The following MECOM variants were observed in gnomAD, a reference collection of about 807,000 sequenced individuals.
MECOM encodes MDS1 and EVI1 complex locus.
Under a neutral mutation model 116.3 loss-of-function variants are expected in MECOM, and 13 were observed. The ratio of observed to expected loss-of-function variants is 0.11; its 90% CI spans 0.07 to 0.18. The LOEUF is 0.18. MECOM is among the 10% of genes least tolerant of loss of function. The pLI is 1.00. For synonymous variants in MECOM, 528 were observed against 535.2 expected, an observed-to-expected ratio of 0.99 and a Z score of 0.19; for missense variants, 1,299 against 1,509.0, an observed-to-expected ratio of 0.86 and a Z score of 2.31.
At chr3:169,434,364 GC>G (rs1742272868) in intron 1 of MECOM, among the ~76,000 whole-genome samples, 1 of 151,972 alleles carries the variant, frequency 6.6e-6, no homozygotes. Context: ...AACAAGTTGA[GC>G]TTTTTTCCTC....
At chr3:169,639,648 T>C (rs931546675) in intron 1 of MECOM, among the ~76,000 whole-genome samples, 8 of 152,326 alleles carry the variant, frequency 5.3e-5, no homozygotes, top group African/African-American at 1.9e-4. Context: ...TCCAAGTATA[T>C]ACTTCATTAT....
At chr3:169,650,338 T>G (rs1362317900) in intron 1 of MECOM, among the ~76,000 whole-genome samples, 1 of 152,134 alleles carries the variant, frequency 6.6e-6, no homozygotes, top group Non-Finnish European at 1.5e-5. Flanking sequence ...TCAGTTGGCT[T>G]TAGGTACATG....
At position 169,143,731 on chromosome 3, in the gene MECOM, C is replaced by T; in HGVS notation, c.477G>A (p.Gln159=). 6.2e-7 allele frequency: 1 copy of T among 1,610,624 alleles called. No individual in the cohort carries two copies. Among genetic ancestry groups the T allele is most frequent in the Non-Finnish European group, 8.5e-7 (1 of 1,178,388 alleles). Residue 159 remains glutamine (Q), a synonymous_variant, in exon 3 of 17, where the codon CAG becomes CAA. Coordinates refer to ENST00000651503, the MANE Select transcript of MECOM (RefSeq NM_004991.4). ...KYIRFAGCYD[Q]HNLVACQIND... ...TTATCTGGCATGCAACAAGGTTGTG[C>T]TGATCATAACAGCCAGCGAATCTAA... is the stretch of plus-strand genomic sequence containing the variant.
At chr3:169,541,158 G>T (rs1760015604) in intron 1 of MECOM, among the ~76,000 whole-genome samples, 1 of 152,196 alleles carries the variant, frequency 6.6e-6, no homozygotes, top group Non-Finnish European at 1.5e-5. Context: ...TTTGGGGTGA[G>T]ACCTGAGAAT....
intron 1 of MECOM, among the ~76,000 whole-genome samples, chr3:169,486,296 A>G (rs779962284): frequency 1.3e-5 from 2 of 151,926 alleles, no homozygotes; most frequent in Non-Finnish European, 2.9e-5. Context: ...GCTAATAATG[A>G]AGCAGCACAT....
rs375673157 is a variant in MECOM, at chr3:169,143,694, A to T, written c.510+4T>A. ...GGAAAGACAAGAAAATCTTTACAACATACCTGATCATTTATCTGGCATGCA... is the reference window on the plus strand; with the variant it reads ...GGAAAGACAAGAAAATCTTTACAACTTACCTGATCATTTATCTGGCATGCA... On this transcript the variant is annotated splice_donor_region_variant and intron_variant, in intron 3 of 16. Transcript: ENST00000651503. 6.3e-7 allele frequency: 1 copy of T among 1,591,086 alleles called. No homozygotes were observed. Among genetic ancestry groups the T allele is most frequent in the Non-Finnish European group, 8.6e-7 (1 of 1,168,508 alleles).
intron 2 of MECOM, among the ~76,000 whole-genome samples, chr3:169,353,439 G>C (rs1204664794): frequency 6.6e-6 from 1 of 151,798 alleles, no homozygotes; most frequent in African/African-American, 2.4e-5. Flanking sequence ...CTATCTTGGA[G>C]CCCCACATAA....
At position 169,229,106 on chromosome 3, in the gene MECOM, A is replaced by C. The variant is rs938584183; in HGVS notation, c.376-85274T>G. 2.0e-4 allele frequency among the ~76,000 whole-genome samples: 30 copies of C among 152,316 alleles called. No individual in the cohort carries two copies. In the South Asian group the frequency reaches 2.1e-3, roughly 11 times the overall value. ...AAACACTGGTTCTGGCTTTCTAGTC[A>C]ATGGTCCGTTTACTTACAGTAAAAT... On this transcript the variant is annotated intron_variant, in intron 2 of 16. Transcript: ENST00000651503.
chr3:169,615,064 C>G (rs1030846104), intron 1 of MECOM: 3 of 152,184 alleles, frequency 2.0e-5, no homozygotes, highest in African/African-American at 7.2e-5. Flanking sequence ...GTTTCTAGCC[C>G]ATAGTAAGCA....
chr3:169,445,223 C>T (rs1466736835), intron 1 of MECOM, among the ~76,000 whole-genome samples: 1 of 152,152 alleles, frequency 6.6e-6, no homozygotes, highest in Non-Finnish European at 1.5e-5. Flanking sequence ...CAGAGACCTT[C>T]ATGGCAGCCC....
intron 10 of MECOM, among the ~76,000 whole-genome samples, chr3:169,107,457 GCCAGAACCAATTTCTGCC>G (rs1725808322): frequency 1.3e-5 from 2 of 152,040 alleles, no homozygotes; most frequent in Non-Finnish European, 1.5e-5. Context: ...TCTTCAAATA[GCCAGAACCAATTTCTGCC>G]CTAGGATATA....
intron 2 of MECOM, among the ~76,000 whole-genome samples, chr3:169,325,625 G>A (rs1291868987): frequency 6.6e-6 from 1 of 152,186 alleles, no homozygotes; most frequent in Non-Finnish European, 1.5e-5. Flanking sequence ...TAAGAACACT[G>A]AATGCACTGT....
chr3:169,472,518 G>A (rs199766021), intron 1 of MECOM, among the ~76,000 whole-genome samples: 6,471 of 69,310 alleles, frequency 0.093, 597 homozygotes, highest in African/African-American at 0.18. Context: ...GAAAGGAAAG[G>A]AAAGAAAAGA....
chr3:169,147,238 T>G (rs752159373), intron 2 of MECOM: 2 of 985,520 alleles, frequency 2.0e-6, no homozygotes, highest in South Asian at 4.7e-5. Context: ...GGAGGAGAGT[T>G]TGAAAAGGTG....
chr3:169,512,517 C>T (rs1433046210), intron 1 of MECOM, among the ~76,000 whole-genome samples: 1 of 152,166 alleles, frequency 6.6e-6, no homozygotes, highest in South Asian at 2.1e-4. Context: ...GAAGAAACAC[C>T]GTTCTCCTCA....
In MECOM at chr3:169,216,576, G is replaced by GT. The variant is rs1346702843; in HGVS notation, c.376-72745dup. 3.7e-4 allele frequency among the ~76,000 whole-genome samples: 41 copies of GT among 109,858 alleles called. 1 individual carries two copies. Among genetic ancestry groups the GT allele is most frequent in the South Asian group, 3.4e-3 (13 of 3,824 alleles). 72.1% of individuals were successfully genotyped at this position (109,858 alleles called of 152,430 possible). The stretch of plus-strand genomic sequence containing the variant: ...TGCTAATTTACACAAACCTTCTCTA[G>GT]TAAAAAAAAAAAAAAAGTACACTAT... On this transcript the variant is annotated intron_variant, in intron 2 of 16. Coordinates refer to ENST00000651503, the MANE Select transcript of MECOM (RefSeq NM_004991.4).
At chr3:169,504,315 C>T (rs1454046672) in intron 1 of MECOM, among the ~76,000 whole-genome samples, 3 of 151,436 alleles carry the variant, frequency 2.0e-5, no homozygotes, top group African/African-American at 4.9e-5. Flanking sequence ...AGCTCTGTCT[C>T]GATGGGGATG....
At chr3:169,544,631 C>G (rs1403271943) in intron 1 of MECOM, among the ~76,000 whole-genome samples, 1 of 152,156 alleles carries the variant, frequency 6.6e-6, no homozygotes, top group Non-Finnish European at 1.5e-5. Context: ...AAATTCCCAT[C>G]AATGACAGAC....
chr3:169,111,630 T>A (rs1208904230), intron 9 of MECOM, among the ~76,000 whole-genome samples: 1 of 152,130 alleles, frequency 6.6e-6, no homozygotes, highest in Non-Finnish European at 1.5e-5. Flanking sequence ...TAATACTAAC[T>A]GGAATGTTTC....
Sources: gnomAD v4.1 joint callset for allele counts (sites outside exome capture counted in the v4.1 genomes callset) on GRCh38, gnomAD v4.1.1 for gene constraint, MANE v1.5 for transcripts, NCBI Gene and HGNC (gene_info 2026-07-23, HGNC 2026-07-21) for gene names.